TNFRSF8: variants seen among roughly 807,000 people sequenced by gnomAD.
TNFRSF8 encodes tumor necrosis factor receptor superfamily member 8.
A neutral mutation model predicts 70.8 loss-of-function variants in TNFRSF8; 26 were observed. That is an observed-to-expected ratio of 0.37 (90% CI 0.27 to 0.51). The LOEUF (loss-of-function observed/expected upper bound fraction) is 0.51, where lower values mean the gene tolerates loss of function less well. Ranked by LOEUF, TNFRSF8 falls within the 20% of genes least tolerant of loss-of-function variation. The pLI, the probability that TNFRSF8 is intolerant of heterozygous loss-of-function variation, is 0.94. For missense variants in TNFRSF8, 720 were observed against 807.9 expected, an observed-to-expected ratio of 0.89 and a Z score of 1.32; for synonymous variants, 356 against 339.2, an observed-to-expected ratio of 1.05 and a Z score of -0.54.
At position 12,109,596 on chromosome 1, in the gene TNFRSF8, C is replaced by T. The variant is rs748264573; in HGVS notation, c.452C>T (p.Pro151Leu). Residue 151 changes from proline to leucine, a missense_variant, in exon 5 of 15, where the codon CCG (proline) becomes CTG (leucine). Pro to Leu is a moderately conservative substitution (Grantham distance 98). Coordinates refer to ENST00000263932, the MANE Select transcript of TNFRSF8 (RefSeq NM_001243.5). The surrounding 1 kb of genome is among the most constrained non-coding windows in gnomAD (Gnocchi z 4.4). ...GTAQKNTVCE[P>L]ASPGVSPACA... Reference sequence around the variant, plus strand: ...GCGCAGAAGAACACGGTCTGTGAGCCGGCTTCCCCAGGGGTCAGCCCTGCC... The same window carrying T: ...GCGCAGAAGAACACGGTCTGTGAGCTGGCTTCCCCAGGGGTCAGCCCTGCC... The T allele has an allele frequency of 5.0e-6, 8 of 1,613,546 alleles. No individual in the cohort carries two copies. Among genetic ancestry groups the T allele is most frequent in the East Asian group, 2.2e-5 (1 of 44,896 alleles).
At chr1:12,083,623 G>T (rs1201115) in intron 1 of TNFRSF8, among the ~76,000 whole-genome samples, 50,307 of 151,984 alleles carry the variant, frequency 0.33, 9,123 homozygotes, top group African/African-American at 0.47. Flanking sequence ...GGAGGTGGAG[G>T]CTGCAGTGAG....
chr1:12,092,398 C>T (rs918375822), intron 2 of TNFRSF8, among the ~76,000 whole-genome samples: 2 of 152,024 alleles, frequency 1.3e-5, no homozygotes, highest in African/African-American at 4.8e-5. Flanking sequence ...GTCTCAAACT[C>T]CTGGCCTCAA....
intron 1 of TNFRSF8, among the ~76,000 whole-genome samples, chr1:12,079,940 T>A (rs1045833203): frequency 1.4e-5 from 2 of 146,232 alleles, no homozygotes; most frequent in Non-Finnish European, 3.0e-5. Flanking sequence ...CTTTATTTTT[T>A]AATTCTCTAT....
chr1:12,118,179 C>T (rs1570055500), intron 8 of TNFRSF8, among the ~76,000 whole-genome samples: 1 of 145,818 alleles, frequency 6.9e-6, no homozygotes, highest in Non-Finnish European at 1.5e-5. Flanking sequence ...GGTATGGTCT[C>T]GGCTCACGGC....
At chr1:12,133,087 T>A (rs1438775665) in intron 12 of TNFRSF8, among the ~76,000 whole-genome samples, 1 of 152,140 alleles carries the variant, frequency 6.6e-6, no homozygotes, top group Non-Finnish European at 1.5e-5. Context: ...ATTTGAGGGT[T>A]ATTATAAACC....
At position 12,097,184 on chromosome 1, in the gene TNFRSF8, G is replaced by A. The variant is rs371472066; in HGVS notation, c.235G>A (p.Asp79Asn). ...CEPDYYLDEA[D>N]RCTACVTCSR... ...GCCTGACTACTACCTGGATGAGGCCGACCGCTGTACAGCCTGCGTGACTTG... is the reference window on the plus strand; with the variant it reads ...GCCTGACTACTACCTGGATGAGGCCAACCGCTGTACAGCCTGCGTGACTTG... Residue 79 changes from aspartate to asparagine, a missense_variant, in exon 3 of 15, where the codon GAC becomes AAC. Asp to Asn is a conservative substitution (Grantham distance 23, BLOSUM62 1). Coordinates refer to ENST00000263932, the MANE Select transcript of TNFRSF8 (RefSeq NM_001243.5). The A allele has an allele frequency of 1.0e-4, 166 of 1,613,836 alleles. No individual in the cohort carries two copies. The highest frequency in any genetic ancestry group is 1.3e-4 in the Non-Finnish European group (154 of 1,179,906).
intron 2 of TNFRSF8, among the ~76,000 whole-genome samples, chr1:12,086,792 T>G (rs1412505905): frequency 6.6e-6 from 1 of 151,880 alleles, no homozygotes; most frequent in Admixed American, 6.6e-5. Context: ...TCTCTCTCTC[T>G]CTTTCTCTCT....
intron 2 of TNFRSF8, among the ~76,000 whole-genome samples, chr1:12,090,128 A>G (rs2100976277): frequency 8.1e-6 from 1 of 123,696 alleles, no homozygotes. Flanking sequence ...CTATCCACCC[A>G]TCCACCTTTC....
In TNFRSF8 at chr1:12,109,721, C is replaced by G; in HGVS notation, c.512+65C>G. ...GGCTTTCAGATGAGGCTGCCCCACC[C>G]CACAGGACGCCCATGGTACAACTGG... is the stretch of plus-strand genomic sequence containing the variant. On this transcript the variant is annotated intron_variant, in intron 5 of 14. Transcript: ENST00000263932. The surrounding 1 kb of genome is among the most constrained non-coding windows in gnomAD (Gnocchi z 4.4). 4 of 1,368,882 alleles carry G rather than the reference C, an allele frequency of 2.9e-6. 1 individual carries two copies. In the South Asian group the frequency reaches 4.8e-5, roughly 16 times the overall value. The allele number at this position is 1,368,882 out of a possible 1,614,324, so 84.8% of individuals were successfully genotyped here.
intron 2 of TNFRSF8, among the ~76,000 whole-genome samples, chr1:12,091,874 C>A (rs1641253374): frequency 6.6e-6 from 1 of 152,196 alleles, no homozygotes; most frequent in South Asian, 2.1e-4. Context: ...TCATGAGGAG[C>A]ATGCAACCTA....
intron 2 of TNFRSF8, among the ~76,000 whole-genome samples, chr1:12,094,921 C>T (rs140346097): frequency 0.027 from 4,174 of 152,188 alleles, 256 homozygotes; most frequent in Admixed American, 0.15. Flanking sequence ...CCACCGCACC[C>T]GGCTCGAAGC....
intron 1 of TNFRSF8, among the ~76,000 whole-genome samples, chr1:12,079,671 G>A (rs1641029210): frequency 6.6e-6 from 1 of 152,178 alleles, no homozygotes; most frequent in African/African-American, 2.4e-5. Context: ...GGGGCCCTAA[G>A]TCCTCTGCTC....
intron 2 of TNFRSF8, among the ~76,000 whole-genome samples, chr1:12,084,849 T>C (rs2100968803): frequency 6.6e-6 from 1 of 152,336 alleles, no homozygotes; most frequent in South Asian, 2.1e-4. Flanking sequence ...GAGACCTTTA[T>C]ATGCACGGCA....
chr1:12,097,147 G>A lies in TNFRSF8; in HGVS notation c.198G>A (p.Arg66=), dbSNP rs188643209. 39 of 1,614,134 alleles carry A rather than the reference G, an allele frequency of 2.4e-5. No individual in the cohort carries two copies. The East Asian group carries it at 8.5e-4, about 35-fold the overall frequency. The stretch of plus-strand genomic sequence containing the variant: ...GCCCACAGAGGCCTACTGACTGCAG[G>A]AAGCAGTGTGAGCCTGACTACTACC... ...QQCPQRPTDC[R]KQCEPDYYLD... Residue 66 remains arginine, a synonymous_variant, in exon 3 of 15, where the codon AGG becomes AGA. Coordinates refer to ENST00000263932, the MANE Select transcript of TNFRSF8 (RefSeq NM_001243.5).
intron 2 of TNFRSF8, among the ~76,000 whole-genome samples, chr1:12,096,300 C>T (rs1013285284): frequency 1.3e-5 from 2 of 151,872 alleles, no homozygotes; most frequent in African/African-American, 4.8e-5. Context: ...GGATTAGGGT[C>T]TTAGTGGCAG....
In TNFRSF8 at chr1:12,092,568, C is replaced by T. The variant is rs557619857; in HGVS notation, c.152-4533C>T. Among the ~76,000 whole-genome samples, 13 of 144,124 alleles carry T rather than the reference C, an allele frequency of 9.0e-5. No individual in the cohort carries two copies. The East Asian group carries it at 1.6e-3, about 18-fold the overall frequency. 94.6% of individuals were successfully genotyped at this position (144,124 alleles called of 152,430 possible). ...TGTAACCCAGGCTGGATTGCAGTGG[C>T]GTGATCTCTGCTCACTGCAAGCTCC... On this transcript the variant is annotated intron_variant, in intron 2 of 14. Transcript: ENST00000263932.
Position 12,109,530 on chromosome 1 carries a change from A to G in TNFRSF8, c.422-36A>G. 2 of 1,583,352 alleles carry G rather than the reference A, an allele frequency of 1.3e-6. No homozygotes were observed. The highest frequency in any genetic ancestry group is 1.7e-6 in the Non-Finnish European group (2 of 1,153,802). On this transcript the variant is annotated intron_variant, in intron 4 of 14. Transcript: ENST00000263932. This position sits in a 1 kb window ranked among gnomAD's most constrained non-coding sequence, Gnocchi z 4.4. ...TATTCCGGGAGACTTTGGGTCCCCA[A>G]CACTGATTCTGAAGGCACTGCTGTC...
chr1:12,098,596 A>G (rs1353688336), intron 3 of TNFRSF8, among the ~76,000 whole-genome samples: 1 of 152,222 alleles, frequency 6.6e-6, no homozygotes, highest in Non-Finnish European at 1.5e-5. Flanking sequence ...AAGTATCAGA[A>G]AAAGAAAGCG....
chr1:12,079,164 G>A (rs1282159896), intron 1 of TNFRSF8, among the ~76,000 whole-genome samples: 2 of 152,236 alleles, frequency 1.3e-5, no homozygotes, highest in Non-Finnish European at 2.9e-5. Flanking sequence ...GAGACCAGGT[G>A]GGGCTTTTTG....
Sources: allele counts gnomAD v4.1 joint callset (sites outside exome capture counted in the v4.1 genomes callset), GRCh38; gene constraint gnomAD v4.1.1; non-coding constraint Gnocchi (gnomAD v3.1); transcripts MANE v1.5; gene names NCBI Gene and HGNC (gene_info 2026-07-23, HGNC 2026-07-21).